Variants in UBL3 observed in about 807,000 individuals in gnomAD.
UBL3 encodes ubiquitin like 3.
Under a neutral mutation model 18.4 loss-of-function variants are expected in UBL3, and 6 were observed. That is an observed-to-expected ratio of 0.33 (90% CI 0.18 to 0.64). The LOEUF (loss-of-function observed/expected upper bound fraction) is 0.64, where lower values mean the gene tolerates loss of function less well. UBL3 is among the 30% of genes least tolerant of loss of function. The probability of loss-of-function intolerance (pLI) is 0.76; values close to 1 mark genes in which losing one functional copy is unlikely to be tolerated. For missense variants in UBL3, 109 were observed against 142.9 expected, an observed-to-expected ratio of 0.76 and a Z score of 1.21; for synonymous variants, 49 against 46.6, an observed-to-expected ratio of 1.05 and a Z score of -0.21.
At chr13:29,775,919 C>T (rs909360192) in intron 2 of UBL3, among the ~76,000 whole-genome samples, 3 of 151,614 alleles carry the variant, frequency 2.0e-5, no homozygotes, top group African/African-American at 4.8e-5. Flanking sequence ...GCCCAGCTGA[C>T]GGTCTTATTA....
chr13:29,789,126 C>T (rs1039944484), intron 1 of UBL3, among the ~76,000 whole-genome samples: 1 of 152,002 alleles, frequency 6.6e-6, no homozygotes, highest in African/African-American at 2.4e-5. Context: ...TTCAAACTTT[C>T]GACCTCAGGT....
In UBL3 at chr13:29,846,993, C is replaced by A. The variant is rs923655353; in HGVS notation, c.27+2519G>T. 3.3e-5 allele frequency among the ~76,000 whole-genome samples: 5 copies of A among 152,194 alleles called. No homozygotes were observed. The East Asian group carries it at 9.6e-4, about 29-fold the overall frequency. The stretch of plus-strand genomic sequence containing the variant: ...GAGAGGAGCTCTTCAAGGTTTGGAG[C>A]GGTAAATTGTTGTCATGAATGTAAA... On this transcript the variant is annotated intron_variant, in intron 1 of 4. Coordinates refer to ENST00000380680, the MANE Select transcript of UBL3 (RefSeq NM_007106.4).
chr13:29,777,303 A>C (rs1320897642), intron 1 of UBL3, 40 bp from the exon 2 acceptor site: 1 of 1,519,462 alleles, frequency 6.6e-7, no homozygotes, highest in Non-Finnish European at 8.9e-7. Flanking sequence ...AAATCTAAAA[A>C]TTTTTTAAGT....
At chr13:29,814,010 A>G (rs1390728307) in intron 1 of UBL3, among the ~76,000 whole-genome samples, 1 of 152,168 alleles carries the variant, frequency 6.6e-6, no homozygotes, top group Admixed American at 6.6e-5. Flanking sequence ...GAGTTACAAA[A>G]GAAGGAATGC....
intron 1 of UBL3, among the ~76,000 whole-genome samples, chr13:29,833,508 G>A (rs1007572500): frequency 1.3e-5 from 2 of 152,156 alleles, no homozygotes; most frequent in South Asian, 4.1e-4. Flanking sequence ...CACACTGTGA[G>A]ATTTAAAAAG....
At chr13:29,846,698 C>G (rs1360636991) in intron 1 of UBL3, among the ~76,000 whole-genome samples, 1 of 152,196 alleles carries the variant, frequency 6.6e-6, no homozygotes. Context: ...AACTTCACCA[C>G]TCCATCCCAT....
At chr13:29,811,221 A>G (rs1445910789) in intron 1 of UBL3, among the ~76,000 whole-genome samples, 1 of 152,140 alleles carries the variant, frequency 6.6e-6, no homozygotes, top group Non-Finnish European at 1.5e-5. Flanking sequence ...CCACTGTACT[A>G]GCCCTGGACT....
At chr13:29,789,168 G>C (rs2139322811) in intron 1 of UBL3, among the ~76,000 whole-genome samples, 1 of 152,164 alleles carries the variant, frequency 6.6e-6, no homozygotes, top group South Asian at 2.1e-4. Context: ...CAAAGTGCTG[G>C]GATTACAGGT....
intron 1 of UBL3, 29 bp downstream of exon 1, chr13:29,849,483 A>G: frequency 6.2e-7 from 1 of 1,614,098 alleles, no homozygotes; most frequent in Non-Finnish European, 8.5e-7. Flanking sequence ...CCACAATTAA[A>G]TCAGTGTCAT....
intron 1 of UBL3, among the ~76,000 whole-genome samples, chr13:29,792,970 G>T (rs1332189153): frequency 6.6e-6 from 1 of 152,126 alleles, no homozygotes; most frequent in African/African-American, 2.4e-5. Flanking sequence ...ATTTATTAGA[G>T]GTAAAGGCAT....
intron 1 of UBL3, among the ~76,000 whole-genome samples, chr13:29,832,596 T>C (rs1045655267): frequency 2.0e-5 from 3 of 152,190 alleles, no homozygotes; most frequent in African/African-American, 7.2e-5. Flanking sequence ...GTATAACAAA[T>C]AATGCTGAGA....
intron 1 of UBL3, among the ~76,000 whole-genome samples, chr13:29,840,688 C>CA (rs1469053320): frequency 6.6e-6 from 1 of 152,102 alleles, no homozygotes; most frequent in Non-Finnish European, 1.5e-5. Flanking sequence ...CCACCCATCC[C>CA]AAAATTAACA....
intron 1 of UBL3, among the ~76,000 whole-genome samples, chr13:29,780,710 A>C (rs1877131911): frequency 6.6e-6 from 1 of 152,016 alleles, no homozygotes; most frequent in Non-Finnish European, 1.5e-5. Flanking sequence ...ACATTTACCT[A>C]TCCTACCTAT....
At chr13:29,827,048 G>A (rs1024204617) in intron 1 of UBL3, among the ~76,000 whole-genome samples, 1 of 152,186 alleles carries the variant, frequency 6.6e-6, no homozygotes, top group Non-Finnish European at 1.5e-5. Flanking sequence ...TGGTCTGAGA[G>A]ACAGTTTGTT....
chr13:29,803,335 A>G (rs1377705242), intron 1 of UBL3, among the ~76,000 whole-genome samples: 2 of 152,130 alleles, frequency 1.3e-5, no homozygotes, highest in East Asian at 1.9e-4. Flanking sequence ...TAAAAAAACA[A>G]AAGTACACAG....
intron 1 of UBL3, among the ~76,000 whole-genome samples, chr13:29,839,665 C>T (rs552524491): frequency 2.6e-5 from 4 of 152,242 alleles, no homozygotes; most frequent in African/African-American, 4.8e-5. Context: ...CAGTGGCTCA[C>T]GCCTGTAATC....
chr13:29,830,457 C>G (rs923755587), intron 1 of UBL3, among the ~76,000 whole-genome samples: 1 of 152,182 alleles, frequency 6.6e-6, no homozygotes, highest in Non-Finnish European at 1.5e-5. Context: ...AATGAAAAAG[C>G]CATTTGCTTC....
Position 29,841,260 on chromosome 13 carries a change from A to ATC in UBL3, c.27+8250_27+8251dup, listed in dbSNP as rs10531958. ...ACTAGATTTGACCAACCAATAGAGA[A>ATC]TCTCTCTCTCTCTCTCTCTCTCTCT... On this transcript the variant is annotated intron_variant, in intron 1 of 4. Transcript: ENST00000380680. Among the ~76,000 whole-genome samples the ATC allele has an allele frequency of 8.0e-4, 120 of 149,706 alleles. 1 individual carries two copies. The highest frequency in any genetic ancestry group is 6.7e-3 in the Admixed American group (101 of 15,060).
chr13:29,778,902 T>C (rs1297352555), intron 1 of UBL3, among the ~76,000 whole-genome samples: 1 of 152,210 alleles, frequency 6.6e-6, no homozygotes. Context: ...TATCTACATA[T>C]TTCAATTAAA....
Sources: allele counts gnomAD v4.1 joint callset (sites outside exome capture counted in the v4.1 genomes callset), GRCh38; gene constraint gnomAD v4.1.1; transcripts MANE v1.5; gene names NCBI Gene and HGNC (gene_info 2026-07-23, HGNC 2026-07-21).